PAPPA: variants seen among roughly 807,000 people sequenced by gnomAD.
PAPPA encodes the protein pappalysin-1.
Under a neutral mutation model 164.0 loss-of-function variants are expected in PAPPA, and 60 were observed. That is an observed-to-expected ratio of 0.37 (90% CI 0.30 to 0.45). The LOEUF is 0.45. PAPPA is among the 20% of genes least tolerant of loss of function. The pLI is 1.00. For missense variants in PAPPA, 1,782 were observed against 2,087.3 expected (o/e 0.85, Z 2.85); for synonymous variants, 875 against 814.1 (o/e 1.07, Z -1.27).
chr9:116,230,055 T>C (rs1435746373), intron 6 of PAPPA, among the ~76,000 whole-genome samples: 1 of 152,224 alleles, frequency 6.6e-6, no homozygotes, highest in East Asian at 1.9e-4. Context: ...ATATGCAGAA[T>C]GGAGTTCAAC....
intron 7 of PAPPA, among the ~76,000 whole-genome samples, chr9:116,254,719 T>C (rs1022551120): frequency 8.0e-5 from 12 of 149,188 alleles, no homozygotes; most frequent in Admixed American, 2.7e-4. Context: ...GAGGCGGAGC[T>C]TGCAGTGAGC....
intron 19 of PAPPA, among the ~76,000 whole-genome samples, chr9:116,375,849 T>C (rs9695235): frequency 0.82 from 124,998 of 152,166 alleles, 51,497 homozygotes; most frequent in African/African-American, 0.86. Context: ...CTCAGTCAGT[T>C]GAACAACCTC....
At chr9:116,254,557 C>G (rs755890009) in intron 7 of PAPPA, among the ~76,000 whole-genome samples, 27 of 151,974 alleles carry the variant, frequency 1.8e-4, no homozygotes, top group African/African-American at 6.5e-4. Flanking sequence ...CCAGGGTGGG[C>G]GGATCACAAG....
intron 1 of PAPPA, among the ~76,000 whole-genome samples, chr9:116,176,013 G>A (rs1843829693): frequency 1.3e-5 from 2 of 152,196 alleles, no homozygotes; most frequent in African/African-American, 4.8e-5. Context: ...CTGGGTCAAA[G>A]ACTGACTACA....
At chr9:116,232,451 A>G (rs900228516) in intron 6 of PAPPA, among the ~76,000 whole-genome samples, 2 of 152,150 alleles carry the variant, frequency 1.3e-5, no homozygotes, top group Admixed American at 6.5e-5. Flanking sequence ...AAACCCTATA[A>G]CTGATATTTT....
In PAPPA at chr9:116,153,914, A is replaced by G. The variant is rs386088; in HGVS notation, c.-259A>G. 0.63 allele frequency: 143,550 copies of G among 226,768 alleles called. 46,115 individuals carry two copies. The highest frequency in any genetic ancestry group is 0.67 in the Non-Finnish European group (85,079 of 127,450). 14.0% of individuals were successfully genotyped at this position (226,768 alleles called of 1,614,324 possible). ...GAGGAAGGCAACCAGCTGTTAGGGG[A>G]AAAATAAGGCAGATAAAGGAGCGGG... is the stretch of plus-strand genomic sequence containing the variant. On this transcript the variant is annotated 5_prime_UTR_variant, in exon 1 of 22. Coordinates refer to ENST00000328252, the MANE Select transcript of PAPPA (RefSeq NM_002581.5).
chr9:116,164,083 G>T (rs1843696340), intron 1 of PAPPA, among the ~76,000 whole-genome samples: 1 of 152,128 alleles, frequency 6.6e-6, no homozygotes, highest in Non-Finnish European at 1.5e-5. Flanking sequence ...GGATATAAAG[G>T]CCATTCCAGA....
chr9:116,320,134 G>A (rs1356708279), intron 10 of PAPPA, among the ~76,000 whole-genome samples: 2 of 152,166 alleles, frequency 1.3e-5, no homozygotes, highest in African/African-American at 4.8e-5. Context: ...TATGCTGTAG[G>A]GCAATACGTC....
chr9:116,304,208 G>A (rs1845615768), intron 10 of PAPPA, among the ~76,000 whole-genome samples: 2 of 152,194 alleles, frequency 1.3e-5, no homozygotes, highest in Admixed American at 1.3e-4. Context: ...TTAGGCTGCT[G>A]GTTCTTTGAG....
chr9:116,351,450 ATGT>A (rs1249970309), intron 15 of PAPPA, among the ~76,000 whole-genome samples: 2 of 152,200 alleles, frequency 1.3e-5, no homozygotes, highest in South Asian at 4.1e-4. Flanking sequence ...CTTTTCATAA[ATGT>A]TGTTTTATTT....
chr9:116,211,512 G>A, intron 3 of PAPPA, 127 bp from the exon 4 acceptor site: 1 of 723,048 alleles, frequency 1.4e-6, no homozygotes. Flanking sequence ...CAGGGCAATG[G>A]AGTCCTAGGG....
At chr9:116,270,479 G>T (rs963907189) in intron 8 of PAPPA, among the ~76,000 whole-genome samples, 1 of 152,194 alleles carries the variant, frequency 6.6e-6, no homozygotes, top group Non-Finnish European at 1.5e-5. Flanking sequence ...CAGATCAAGA[G>T]GTCAAGTGAC....
At chr9:116,158,115 C>A (rs1843625045) in intron 1 of PAPPA, among the ~76,000 whole-genome samples, 2 of 152,110 alleles carry the variant, frequency 1.3e-5, no homozygotes, top group African/African-American at 4.8e-5. Context: ...AAAGGATTTA[C>A]CTGAATCCCA....
chr9:116,231,517 A>G (rs755716649), intron 6 of PAPPA, among the ~76,000 whole-genome samples: 14 of 152,018 alleles, frequency 9.2e-5, no homozygotes, highest in Non-Finnish European at 1.9e-4. Context: ...CGTTAGTCCA[A>G]TACTCTCCTA....
chr9:116,278,351 C>A (rs1845226642), intron 9 of PAPPA, among the ~76,000 whole-genome samples: 1 of 152,200 alleles, frequency 6.6e-6, no homozygotes, highest in Admixed American at 6.5e-5. Flanking sequence ...GAGAAGGAGA[C>A]TTCAGAGTTT....
At chr9:116,362,477 G>T in intron 17 of PAPPA, 115 bp from the exon 18 acceptor site, 2 of 1,094,324 alleles carry the variant, frequency 1.8e-6, no homozygotes, top group South Asian at 3.7e-5. Context: ...AAATTGTTTT[G>T]GAACACTTCA....
intron 1 of PAPPA, among the ~76,000 whole-genome samples, chr9:116,168,554 TG>T (rs1268280136): frequency 6.6e-6 from 1 of 152,216 alleles, no homozygotes; most frequent in African/African-American, 2.4e-5. Flanking sequence ...CTTTTCCACC[TG>T]GAAGGATTGG....
At chr9:116,275,544 C>G in intron 9 of PAPPA, among the ~76,000 whole-genome samples, 1 of 152,160 alleles carries the variant, frequency 6.6e-6, no homozygotes, top group South Asian at 2.1e-4. Flanking sequence ...CTGGCTTTTT[C>G]TACTCTGCCA....
chr9:116,260,920 A>G (rs1385274672), intron 7 of PAPPA, among the ~76,000 whole-genome samples: 1 of 152,234 alleles, frequency 6.6e-6, no homozygotes, highest in Non-Finnish European at 1.5e-5. Context: ...TTTGTGATCC[A>G]AAACAAAGTC....
Sources: allele counts gnomAD v4.1 joint callset (sites outside exome capture counted in the v4.1 genomes callset), GRCh38; gene constraint gnomAD v4.1.1; transcripts MANE v1.5; gene names NCBI Gene and HGNC (gene_info 2026-07-23, HGNC 2026-07-21).